The following KCNIP4 variants were observed in gnomAD, a reference collection of about 807,000 sequenced individuals.
The protein encoded by KCNIP4 is Kv channel-interacting protein 4.
In KCNIP4, 12 loss-of-function variants were observed where a neutral mutation model predicts 34.0. The ratio of observed to expected loss-of-function variants is 0.35; its 90% confidence interval spans 0.23 to 0.57. The LOEUF (loss-of-function observed/expected upper bound fraction) is 0.57, where lower values mean the gene tolerates loss of function less well. Among genes scored for constraint, KCNIP4 ranks in the 20% least tolerant of loss-of-function variants. The probability of loss-of-function intolerance (pLI) is 0.83; values close to 1 mark genes in which losing one functional copy is unlikely to be tolerated. For missense variants in KCNIP4, 238 were observed against 311.7 expected, an observed-to-expected ratio of 0.76 and a Z score of 1.78; for synonymous variants, 124 against 102.2, an observed-to-expected ratio of 1.21 and a Z score of -1.29.
At chr4:21,137,647 C>T (rs546530736) in intron 1 of KCNIP4, among the ~76,000 whole-genome samples, 2 of 152,132 alleles carry the variant, frequency 1.3e-5, no homozygotes, top group African/African-American at 2.4e-5. Flanking sequence ...ATCTGCTCAA[C>T]AGGTATAACA....
chr4:20,807,895 C>T lies in KCNIP4; in HGVS notation c.288+42648G>A, dbSNP rs150080161. The stretch of plus-strand genomic sequence containing the variant: ...TGGAAGATAACGATGTCTTCACTGG[C>T]GCACCTACAGTACATCTAACAAGTT... On this transcript the variant is annotated intron_variant, in intron 3 of 8. Transcript: ENST00000382152. Among the ~76,000 whole-genome samples, 10 of 152,228 alleles carry T rather than the reference C, an allele frequency of 6.6e-5. No individual in the cohort carries two copies. In the East Asian group the frequency reaches 1.4e-3, roughly 21 times the overall value.
At chr4:21,158,313 T>A (rs980551085) in intron 1 of KCNIP4, among the ~76,000 whole-genome samples, 1 of 151,984 alleles carries the variant, frequency 6.6e-6, no homozygotes, top group Non-Finnish European at 1.5e-5. Flanking sequence ...TGAGCCAGCA[T>A]TACCCCAGTA....
Position 20,729,518 on chromosome 4 carries a change from T to TAAAACTAATTTCTAACAGAAA in KCNIP4, c.*563_*564insTTTCTGTTAGAAATTAGTTTT. On this transcript the variant is annotated 3_prime_UTR_variant, in exon 9 of 9. Transcript: ENST00000382152. ...TTTTTAAATGTTTAAAAATGCCAGA[T>TAAAACTAATTTCTAACAGAAA]AAAACTAATTTCTAACAGAAGGTGG... 1 of 128,402 alleles carries TAAAACTAATTTCTAACAGAAA rather than the reference T, an allele frequency of 7.8e-6. No individual in the cohort carries two copies. The allele number at this position is 128,402 out of a possible 1,614,324, so 8.0% of individuals were successfully genotyped here. A position where few individuals can be genotyped will look rare whatever the true frequency, so the allele number is the denominator to read the frequency against.
intron 4 of KCNIP4, among the ~76,000 whole-genome samples, chr4:20,754,330 C>T (rs1754139265): frequency 6.6e-6 from 1 of 152,160 alleles, no homozygotes; most frequent in South Asian, 2.1e-4. Flanking sequence ...AGACAAAGCA[C>T]TTTCCTGGAG....
intron 1 of KCNIP4, among the ~76,000 whole-genome samples, chr4:21,810,645 G>A (rs559637224): frequency 3.5e-5 from 5 of 143,174 alleles, no homozygotes; most frequent in Non-Finnish European, 5.9e-5. Flanking sequence ...AGCCGAGATC[G>A]CGCCACTGCA....
chr4:21,944,556 CAAAAAAAAA>C lies in KCNIP4; in HGVS notation c.61+4006_61+4014del, dbSNP rs5856680. Among the ~76,000 whole-genome samples, 166 of 104,428 alleles carry C rather than the reference CAAAAAAAAA, an allele frequency of 1.6e-3. 3 individuals are homozygous for C. The East Asian group carries it at 0.043, about 27-fold the overall frequency. 68.5% of individuals were successfully genotyped at this position (104,428 alleles called of 152,430 possible). The stretch of plus-strand genomic sequence containing the variant: ...TGGGCAACAGAATGAGACTCCGTCT[CAAAAAAAAA>C]AAAAAAAAAAAAAGAGAGATCTGAG... On this transcript the variant is annotated intron_variant, in intron 1 of 8. Transcript: ENST00000382152.
chr4:21,013,404 T>A (rs1346916462), intron 1 of KCNIP4, among the ~76,000 whole-genome samples: 1 of 152,014 alleles, frequency 6.6e-6, no homozygotes, highest in African/African-American at 2.4e-5. Context: ...GCTCCTGAAG[T>A]CATTACAGGC....
chr4:21,193,768 T>A (rs1270720240), intron 1 of KCNIP4, among the ~76,000 whole-genome samples: 1 of 151,964 alleles, frequency 6.6e-6, no homozygotes, highest in Non-Finnish European at 1.5e-5. Context: ...AGACGGGGTT[T>A]CACCATGTTA....
intron 1 of KCNIP4, among the ~76,000 whole-genome samples, chr4:21,714,846 T>C (rs376738601): frequency 0.54 from 1,389 of 2,590 alleles, 185 homozygotes; most frequent in Non-Finnish European, 0.54. Flanking sequence ...TTTATTTTAT[T>C]TTATTTTATT....
At position 21,678,208 on chromosome 4, in the gene KCNIP4, T is replaced by C. The variant is rs374587028; in HGVS notation, c.61+270363A>G. Among the ~76,000 whole-genome samples, 33 of 152,100 alleles carry C rather than the reference T, an allele frequency of 2.2e-4. No individual in the cohort carries two copies. In the East Asian group the frequency reaches 4.8e-3, roughly 22 times the overall value. On this transcript the variant is annotated intron_variant, in intron 1 of 8. Coordinates refer to ENST00000382152, the MANE Select transcript of KCNIP4 (RefSeq NM_025221.6). Reference sequence around the variant, plus strand: ...TGCAAAAGAAGCCATAGGCAATATATACATGAATGAGCATGGCCATGTTTC... The same window carrying C: ...TGCAAAAGAAGCCATAGGCAATATACACATGAATGAGCATGGCCATGTTTC...
intron 1 of KCNIP4, among the ~76,000 whole-genome samples, chr4:21,347,062 C>T (rs1383314286): frequency 6.6e-6 from 1 of 152,134 alleles, no homozygotes; most frequent in Admixed American, 6.5e-5. Flanking sequence ...TTTAGTTCTG[C>T]AACCTTCTAG....
chr4:20,804,229 C>A (rs1714780496), intron 3 of KCNIP4, among the ~76,000 whole-genome samples: 1 of 152,132 alleles, frequency 6.6e-6, no homozygotes, highest in South Asian at 2.1e-4. Context: ...CAGATAAAAA[C>A]CAAGGCACAC....
intron 2 of KCNIP4, among the ~76,000 whole-genome samples, chr4:20,880,573 C>G (rs1189232523): frequency 6.6e-6 from 1 of 152,118 alleles, no homozygotes; most frequent in Non-Finnish European, 1.5e-5. Flanking sequence ...ATGGCTTTAT[C>G]AGACGCTGGT....
At chr4:21,699,400 G>A (rs889112741) in intron 1 of KCNIP4, among the ~76,000 whole-genome samples, 4 of 152,108 alleles carry the variant, frequency 2.6e-5, no homozygotes, top group African/African-American at 9.7e-5. Flanking sequence ...AAAACATCAG[G>A]TTATCAAATA....
chr4:20,962,831 C>G (rs907337878), intron 1 of KCNIP4, among the ~76,000 whole-genome samples: 1 of 152,164 alleles, frequency 6.6e-6, no homozygotes, highest in African/African-American at 2.4e-5. Context: ...TGTGAAATCT[C>G]TAAAAGCCCT....
chr4:21,866,308 T>C (rs1362395756), intron 1 of KCNIP4, among the ~76,000 whole-genome samples: 1 of 152,182 alleles, frequency 6.6e-6, no homozygotes. Flanking sequence ...TAAAATTGCC[T>C]TCTCCACTTC....
intron 1 of KCNIP4, among the ~76,000 whole-genome samples, chr4:21,086,635 C>T (rs973947941): frequency 1.3e-5 from 2 of 152,038 alleles, no homozygotes; most frequent in African/African-American, 2.4e-5. Flanking sequence ...TGTGTTTGTA[C>T]CATTCTTGTA....
At chr4:21,366,571 C>G (rs1027761386) in intron 1 of KCNIP4, among the ~76,000 whole-genome samples, 2 of 152,034 alleles carry the variant, frequency 1.3e-5, no homozygotes, top group African/African-American at 2.4e-5. Context: ...CTAGCTAGCT[C>G]AAGAAGGTGA....
intron 1 of KCNIP4, among the ~76,000 whole-genome samples, chr4:21,899,980 A>C (rs534524090): frequency 6.6e-6 from 1 of 152,252 alleles, no homozygotes; most frequent in Admixed American, 6.5e-5. Context: ...AAATTAAAAA[A>C]AAAACTGGAG....
Sources: allele counts gnomAD v4.1 joint callset (sites outside exome capture counted in the v4.1 genomes callset), GRCh38; gene constraint gnomAD v4.1.1; transcripts MANE v1.5; gene names NCBI Gene and HGNC (gene_info 2026-07-23, HGNC 2026-07-21).